Variants in CNTNAP2 observed in about 807,000 individuals in gnomAD.
CNTNAP2 encodes the protein contactin-associated protein-like 2.
A neutral mutation model predicts 155.2 loss-of-function variants in CNTNAP2; 98 were observed. The observed-to-expected ratio is 0.63, with a 90% CI of 0.54 to 0.75. The LOEUF is 0.75. Ranked by LOEUF, CNTNAP2 falls within the 30% of genes least tolerant of loss-of-function variation. CNTNAP2 has a pLI of 0.00. For synonymous variants in CNTNAP2, 651 were observed against 631.2 expected (o/e 1.03, Z -0.47); for missense variants, 1,727 against 1,688.1 (o/e 1.02, Z -0.40).
intron 1 of CNTNAP2, among the ~76,000 whole-genome samples, chr7:146,169,325 C>T (rs1253123127): frequency 6.6e-6 from 1 of 152,000 alleles, no homozygotes; most frequent in East Asian, 1.9e-4. Flanking sequence ...TAGTACCTGA[C>T]ATATAGTAAG....
chr7:148,412,870 A>G (rs577539477), intron 23 of CNTNAP2, among the ~76,000 whole-genome samples: 14 of 152,328 alleles, frequency 9.2e-5, no homozygotes, highest in African/African-American at 3.1e-4. Flanking sequence ...TCTTCTACTC[A>G]TAGTTTACTG....
At chr7:147,379,383 A>T (rs1362855104) in intron 9 of CNTNAP2, among the ~76,000 whole-genome samples, 1 of 152,048 alleles carries the variant, frequency 6.6e-6, no homozygotes, top group Non-Finnish European at 1.5e-5. Context: ...TCTGTTCATT[A>T]TACTTGTTTT....
intron 15 of CNTNAP2, among the ~76,000 whole-genome samples, chr7:148,047,260 G>T (rs1802791192): frequency 6.6e-6 from 1 of 152,132 alleles, no homozygotes; most frequent in African/African-American, 2.4e-5. Flanking sequence ...GGAATTCAGG[G>T]TTAAGTTCCT....
chr7:148,075,089 A>G (rs1484511137), intron 15 of CNTNAP2, among the ~76,000 whole-genome samples: 2 of 152,154 alleles, frequency 1.3e-5, no homozygotes, highest in African/African-American at 4.8e-5. Flanking sequence ...CAATATTTTT[A>G]CCTTAACTTC....
rs145117373 is a variant in CNTNAP2, at chr7:147,606,155, C to A, written c.1898-32951C>A. ...GCACAATTCAAAAAGTACTTTATTTCACAATAATAATAATAGAAACTCAGA... is the reference window on the plus strand; with the variant it reads ...GCACAATTCAAAAAGTACTTTATTTAACAATAATAATAATAGAAACTCAGA... On this transcript the variant is annotated intron_variant, in intron 12 of 23. Transcript: ENST00000361727. Among the ~76,000 whole-genome samples, 121 of 152,258 alleles carry A rather than the reference C, an allele frequency of 7.9e-4. 1 individual carries two copies. Among genetic ancestry groups the A allele is most frequent in the African/African-American group, 2.7e-3 (114 of 41,536 alleles).
chr7:147,426,825 G>A (rs1307513634), intron 10 of CNTNAP2, among the ~76,000 whole-genome samples: 2 of 151,218 alleles, frequency 1.3e-5, no homozygotes, highest in African/African-American at 4.8e-5. Flanking sequence ...AGTTTTTGTT[G>A]GATGGATGGA....
At chr7:147,944,544 C>T (rs1399199924) in intron 14 of CNTNAP2, among the ~76,000 whole-genome samples, 3 of 152,146 alleles carry the variant, frequency 2.0e-5, no homozygotes, top group Non-Finnish European at 4.4e-5. Context: ...GACATATGCC[C>T]ATGTTTACAA....
At chr7:147,083,278 G>T (rs538008271) in intron 4 of CNTNAP2, 1 of 152,076 alleles carries the variant, frequency 6.6e-6, no homozygotes, top group Admixed American at 6.6e-5. Context: ...TGTTAGGTCG[G>T]CAAACACTGT....
At chr7:147,708,409 G>T (rs1358129330) in intron 13 of CNTNAP2, among the ~76,000 whole-genome samples, 2 of 152,168 alleles carry the variant, frequency 1.3e-5, no homozygotes. Context: ...TAGGACACCA[G>T]GGATGTGGTG....
chr7:146,691,100 C>A lies in CNTNAP2; in HGVS notation c.98-83171C>A, dbSNP rs573901526. Among the ~76,000 whole-genome samples, 79 of 152,222 alleles carry A rather than the reference C, an allele frequency of 5.2e-4. 2 individuals are homozygous for A. The highest frequency in any genetic ancestry group is 1.1e-3 in the Admixed American group (17 of 15,260). On this transcript the variant is annotated intron_variant, in intron 1 of 23. Transcript: ENST00000361727. ...TGCATATCCATATGTGTACCTATAGCTGTTTATGTGCAAATGATAACTACT... is the reference window on the plus strand; with the variant it reads ...TGCATATCCATATGTGTACCTATAGATGTTTATGTGCAAATGATAACTACT...
chr7:147,290,683 CA>C (rs71182191), intron 8 of CNTNAP2, among the ~76,000 whole-genome samples: 8,340 of 72,928 alleles, frequency 0.11, 127 homozygotes, highest in African/African-American at 0.18. Flanking sequence ...ACTCCATCTC[CA>C]AAAAAAAAAA....
intron 21 of CNTNAP2, among the ~76,000 whole-genome samples, chr7:148,282,595 A>G (rs1241093868): frequency 6.6e-6 from 1 of 152,190 alleles, no homozygotes; most frequent in Admixed American, 6.5e-5. Flanking sequence ...AGCTAATACA[A>G]ATAAAGAATG....
At chr7:147,058,357 T>G (rs1031394060) in intron 4 of CNTNAP2, among the ~76,000 whole-genome samples, 1 of 152,332 alleles carries the variant, frequency 6.6e-6, no homozygotes, top group South Asian at 2.1e-4. Flanking sequence ...TTCTCTAATA[T>G]TCTATTATAG....
intron 9 of CNTNAP2, among the ~76,000 whole-genome samples, chr7:147,338,738 T>C (rs1240953418): frequency 6.6e-6 from 1 of 152,108 alleles, no homozygotes; most frequent in African/African-American, 2.4e-5. Context: ...AAAAACTCCA[T>C]AAAATTTTAT....
chr7:146,374,414 C>G (rs1011847793), intron 1 of CNTNAP2, among the ~76,000 whole-genome samples: 2 of 152,088 alleles, frequency 1.3e-5, no homozygotes, highest in Non-Finnish European at 2.9e-5. Flanking sequence ...TATCCTTATA[C>G]TTACATAAAT....
intron 13 of CNTNAP2, among the ~76,000 whole-genome samples, chr7:147,897,909 G>A (rs1799801566): frequency 6.6e-6 from 1 of 152,198 alleles, no homozygotes; most frequent in Admixed American, 6.6e-5. Flanking sequence ...CTTAAACATA[G>A]AAAGCAAACA....
intron 8 of CNTNAP2, among the ~76,000 whole-genome samples, chr7:147,284,885 G>T (rs1167995615): frequency 6.6e-6 from 1 of 151,822 alleles, no homozygotes; most frequent in East Asian, 1.9e-4. Context: ...TGGAGGAAAT[G>T]ACATTGAGCT....
chr7:147,632,903 T>C (rs1273987096), intron 12 of CNTNAP2, among the ~76,000 whole-genome samples: 1 of 152,204 alleles, frequency 6.6e-6, no homozygotes, highest in Non-Finnish European at 1.5e-5. Context: ...TAAAAGTGAC[T>C]CTTGCTATGC....
chr7:147,534,246 C>T lies in CNTNAP2; in HGVS notation c.1778-27892C>T, dbSNP rs191012190. Among the ~76,000 whole-genome samples the T allele has an allele frequency of 2.0e-3, 304 of 152,268 alleles. 1 individual carries two copies. The highest frequency in any genetic ancestry group is 3.4e-3 in the Non-Finnish European group (230 of 68,024). ...TAACGCTGGTGAACATCCTACAAAG[C>T]ACTGCAGAGCCCCTGGCAAAGAATT... On this transcript the variant is annotated intron_variant, in intron 11 of 23. Transcript: ENST00000361727.
Sources: allele counts gnomAD v4.1 joint callset (sites outside exome capture counted in the v4.1 genomes callset), GRCh38; gene constraint gnomAD v4.1.1; transcripts MANE v1.5; gene names NCBI Gene and HGNC (gene_info 2026-07-23, HGNC 2026-07-21).